Variants in ZNF385D observed in about 807,000 individuals in gnomAD.
ZNF385D encodes the protein zinc finger protein 659.
In ZNF385D, 15 loss-of-function variants were observed where a neutral mutation model predicts 35.8. That is an observed-to-expected ratio of 0.42 (90% CI 0.28 to 0.64). The LOEUF is 0.64. Ranked by LOEUF, ZNF385D falls within the 30% of genes least tolerant of loss-of-function variation. ZNF385D has a pLI of 0.23. For missense variants in ZNF385D, 474 were observed against 494.6 expected (o/e 0.96, Z 0.39); for synonymous variants, 212 against 186.8 (o/e 1.13, Z -1.10).
chr3:21,551,565 T>G (rs2125599029), intron 3 of ZNF385D, among the ~76,000 whole-genome samples: 3 of 152,344 alleles, frequency 2.0e-5, no homozygotes, highest in African/African-American at 7.2e-5. Flanking sequence ...CTTAATAAGC[T>G]TACATCTTGT....
chr3:22,344,970 T>G (rs1391077373), intron 2 of ZNF385D, among the ~76,000 whole-genome samples: 1 of 152,158 alleles, frequency 6.6e-6, no homozygotes, highest in Non-Finnish European at 1.5e-5. Context: ...ATTTCTACTT[T>G]TTCATGCTTC....
In ZNF385D at chr3:21,629,635, C is replaced by G. The variant is rs75168140; in HGVS notation, c.165+35251G>C. Among the ~76,000 whole-genome samples the G allele has an allele frequency of 4.4e-3, 665 of 152,218 alleles. 6 individuals carry two copies. Among genetic ancestry groups the G allele is most frequent in the Middle Eastern group, 0.017 (5 of 294 alleles). On this transcript the variant is annotated intron_variant, in intron 2 of 7. Transcript: ENST00000281523. The stretch of plus-strand genomic sequence containing the variant: ...AATCAGCATTTCCTCAGGCTTCCTT[C>G]TAGGAAAGGTGGCCTCAAATTCCAC...
chr3:21,863,451 T>C (rs1697169546), intron 3 of ZNF385D, among the ~76,000 whole-genome samples: 2 of 152,164 alleles, frequency 1.3e-5, no homozygotes, highest in African/African-American at 2.4e-5. Flanking sequence ...TATCGAAAGT[T>C]TGTCTTCATT....
chr3:22,329,100 G>GTT (rs1316409777), intron 2 of ZNF385D, among the ~76,000 whole-genome samples: 3 of 135,298 alleles, frequency 2.2e-5, no homozygotes, highest in African/African-American at 8.1e-5. Context: ...AAAAAAAAGA[G>GTT]TTTATTAAAG....
At chr3:22,001,033 T>C (rs573325921) in intron 3 of ZNF385D, among the ~76,000 whole-genome samples, 2 of 151,956 alleles carry the variant, frequency 1.3e-5, no homozygotes, top group African/African-American at 4.8e-5. Flanking sequence ...CTGAATGTTA[T>C]ATAAAATCAA....
At chr3:22,074,102 T>G (rs1012421335) in intron 3 of ZNF385D, among the ~76,000 whole-genome samples, 2 of 151,952 alleles carry the variant, frequency 1.3e-5, no homozygotes, top group Admixed American at 1.3e-4. Flanking sequence ...CCCAGGATAC[T>G]TTTTTTCTTT....
chr3:21,904,852 G>A (rs1222398620), intron 3 of ZNF385D, among the ~76,000 whole-genome samples: 1 of 152,102 alleles, frequency 6.6e-6, no homozygotes, highest in Non-Finnish European at 1.5e-5. Context: ...TTTGCATTAT[G>A]TTGTTGAGAC....
At chr3:21,645,378 A>G (rs1575387925) in intron 2 of ZNF385D, among the ~76,000 whole-genome samples, 1 of 151,986 alleles carries the variant, frequency 6.6e-6, no homozygotes, top group Non-Finnish European at 1.5e-5. Flanking sequence ...GGCAGTTAAG[A>G]CCTCCACAAC....
intron 1 of ZNF385D, among the ~76,000 whole-genome samples, chr3:21,692,385 C>T (rs778238878): frequency 2.0e-5 from 3 of 152,178 alleles, no homozygotes; most frequent in African/African-American, 7.2e-5. Context: ...TTCCTACCCT[C>T]GGTTAAGCTT....
chr3:22,022,110 C>A (rs965040912), intron 3 of ZNF385D, among the ~76,000 whole-genome samples: 4 of 152,048 alleles, frequency 2.6e-5, no homozygotes, highest in Middle Eastern at 3.2e-3. Flanking sequence ...TGTTAGGAAA[C>A]TTAATTTCTC....
At chr3:21,827,787 G>A (rs909988632) in intron 3 of ZNF385D, among the ~76,000 whole-genome samples, 1 of 152,142 alleles carries the variant, frequency 6.6e-6, no homozygotes, top group African/African-American at 2.4e-5. Context: ...CGTGACATTT[G>A]GTTCTTCATT....
At chr3:21,872,129 T>G (rs540956318) in intron 3 of ZNF385D, among the ~76,000 whole-genome samples, 2 of 152,318 alleles carry the variant, frequency 1.3e-5, no homozygotes, top group East Asian at 1.9e-4. Flanking sequence ...TTTGTAGAAG[T>G]CTTTGTACTT....
At chr3:21,834,460 A>C (rs1300174354) in intron 3 of ZNF385D, among the ~76,000 whole-genome samples, 1 of 152,182 alleles carries the variant, frequency 6.6e-6, no homozygotes, top group Non-Finnish European at 1.5e-5. Flanking sequence ...TTGAATAAGG[A>C]AGAATCCTAC....
At chr3:21,730,886 T>C (rs1406483212) in intron 1 of ZNF385D, among the ~76,000 whole-genome samples, 1 of 152,240 alleles carries the variant, frequency 6.6e-6, no homozygotes, top group African/African-American at 2.4e-5. Context: ...TGCACCCTAT[T>C]CCAGCATTTT....
chr3:22,150,443 T>C (rs1482055787), intron 3 of ZNF385D, among the ~76,000 whole-genome samples: 4 of 152,042 alleles, frequency 2.6e-5, no homozygotes, highest in Non-Finnish European at 5.9e-5. Flanking sequence ...AACACCCACA[T>C]GGATATAAAA....
chr3:21,610,258 A>G (rs1284914196), intron 2 of ZNF385D, among the ~76,000 whole-genome samples: 1 of 152,194 alleles, frequency 6.6e-6, no homozygotes, highest in Non-Finnish European at 1.5e-5. Context: ...TGCTAACCAT[A>G]TAAGAACACG....
intron 3 of ZNF385D, among the ~76,000 whole-genome samples, chr3:21,944,767 GATT>G (rs1354471855): frequency 2.0e-5 from 3 of 152,014 alleles, no homozygotes; most frequent in African/African-American, 4.8e-5. Flanking sequence ...ATCAAATTAA[GATT>G]ATTATTTTAT....
intron 2 of ZNF385D, among the ~76,000 whole-genome samples, chr3:22,173,829 A>G (rs969268156): frequency 4.6e-5 from 7 of 152,162 alleles, no homozygotes; most frequent in African/African-American, 1.7e-4. Context: ...CTAGGTAGGT[A>G]AATTCAATTC....
rs118023999 is a variant in ZNF385D, at chr3:22,280,828, T to C, written c.106+91622A>G. On this transcript the variant is annotated intron_variant, in intron 2 of 5. Transcript: ENST00000494108. ...ATGATTGCGGTATTTTGATTGGAAT[T>C]GTATTAATTTGTAGATTGCTTTTGG... Among the ~76,000 whole-genome samples the C allele has an allele frequency of 7.0e-4, 107 of 152,228 alleles. No individual in the cohort carries two copies. In the East Asian group the frequency reaches 0.02, roughly 29 times the overall value.
Sources: allele counts gnomAD v4.1 joint callset (sites outside exome capture counted in the v4.1 genomes callset), GRCh38; gene constraint gnomAD v4.1.1; transcripts MANE v1.5; gene names NCBI Gene and HGNC (gene_info 2026-07-23, HGNC 2026-07-21).